The following ADCK5 variants were observed in gnomAD, a reference collection of about 807,000 sequenced individuals.
ADCK5 encodes the protein aarF domain containing kinase 5, also known as uncharacterized aarF domain-containing protein kinase 5.
Under a neutral mutation model 64.9 loss-of-function variants are expected in ADCK5, and 43 were observed. The observed-to-expected ratio is 0.66, with a 90% CI of 0.52 to 0.85. The LOEUF is 0.85. ADCK5 is among the 40% of genes least tolerant of loss of function. The pLI is 0.00. For synonymous variants in ADCK5, 434 were observed against 342.8 expected (o/e 1.27, Z -2.94); for missense variants, 760 against 810.5 (o/e 0.94, Z 0.76).
Position 144,376,090 on chromosome 8 carries a change from A to T in ADCK5, c.12+1983A>T, listed in dbSNP as rs557212372. On this transcript the variant is annotated intron_variant, in intron 1 of 14. Coordinates refer to ENST00000308860, the MANE Select transcript of ADCK5 (RefSeq NM_174922.5). The surrounding 1 kb of genome is among the most constrained non-coding windows in gnomAD (Gnocchi z 5.1). ...CTGTGTGATGGGAATTTCAGAGAGG[A>T]TAGTCTGGGTGTGCTGGGCGCTCCA... Among the ~76,000 whole-genome samples, 49 of 152,186 alleles carry T rather than the reference A, an allele frequency of 3.2e-4. No homozygotes were observed. Among genetic ancestry groups the T allele is most frequent in the African/African-American group, 1.2e-3 (49 of 41,512 alleles).
At chr8:144,381,369 C>T (rs1348425030) in intron 2 of ADCK5, among the ~76,000 whole-genome samples, 20 of 142,598 alleles carry the variant, frequency 1.4e-4, no homozygotes, top group Non-Finnish European at 2.3e-4. Flanking sequence ...AATTATGGGC[C>T]GGGTGTAGAA....
intron 3 of ADCK5, among the ~76,000 whole-genome samples, chr8:144,388,638 G>C (rs1481707882): frequency 6.0e-5 from 9 of 150,970 alleles, no homozygotes; most frequent in East Asian, 2.0e-4. Context: ...GGTGTTGGGC[G>C]CCTGTAGTCC....
rs925299108 is a variant in ADCK5, at chr8:144,391,686, G to A, written c.905G>A (p.Arg302His). 20 of 1,540,724 alleles carry A rather than the reference G, an allele frequency of 1.3e-5. No homozygotes were observed. The Admixed American group carries it at 1.8e-4, about 14-fold the overall frequency. The change falls in exon 8 of 15, where the codon CGC becomes CAC. Residue 302 changes from arginine (R) to histidine (H), a missense_variant. Arg to His is a conservative substitution (Grantham distance 29). Around this residue, in one of 2 missense-constraint regions of ADCK5, gnomAD observed 427 missense variants for 518.4 expected, o/e 0.82. Coordinates refer to ENST00000308860, the MANE Select transcript of ADCK5 (RefSeq NM_174922.5). Reference sequence around the variant, plus strand: ...CACTTCCCCTACGTCGTGGTGCCCCGCGTGCACTGGGACAAGTCCAGCAAG... The same window carrying A: ...CACTTCCCCTACGTCGTGGTGCCCCACGTGCACTGGGACAAGTCCAGCAAG... ...LAHFPYVVVP[R>H]VHWDKSSKRV...
chr8:144,381,784 C>T (rs1819667743), intron 2 of ADCK5, among the ~76,000 whole-genome samples: 1 of 105,162 alleles, frequency 9.5e-6, no homozygotes, highest in Non-Finnish European at 2.0e-5. Context: ...GCCCCTGCTG[C>T]ACTCAGGATT....
Position 144,392,618 on chromosome 8 carries a change from C to T in ADCK5, c.1441C>T (p.Leu481=), listed in dbSNP as rs782310913. 35 of 1,588,760 alleles carry T rather than the reference C, an allele frequency of 2.2e-5. No individual in the cohort carries two copies. The highest frequency in any genetic ancestry group is 3.0e-5 in the Non-Finnish European group (35 of 1,171,550). ...RELPRPMLLV[L]RNINTVRAIN... is the part of the protein sequence containing the mutation. ...GCTGCCGCGGCCCATGCTGCTGGTG[C>T]TGCGCAACATCAACACCGTGCGCGC... Residue 481 remains leucine (L), a synonymous_variant, in exon 13 of 15, where the codon CTG becomes TTG. Transcript: ENST00000308860.
intron 4 of ADCK5, 39 bp from the exon 5 acceptor site, chr8:144,390,817 C>T (rs1554860254): frequency 6.2e-7 from 1 of 1,606,000 alleles, no homozygotes. Context: ...GAGGAGGCAG[C>T]CACCTGTCCC....
At position 144,391,992 on chromosome 8, in the gene ADCK5, T is replaced by G; in HGVS notation, c.1066T>G (p.Phe356Val). 2.5e-6 allele frequency: 4 copies of G among 1,612,666 alleles called. No individual in the cohort carries two copies. Among genetic ancestry groups the G allele is most frequent in the Non-Finnish European group, 3.4e-6 (4 of 1,179,958 alleles). ...TGCTGAGCAGATATTTTACACCGGC[T>G]TCATCCACTCGGACCCACATCCTGG... ...AFAEQIFYTG[F>V]IHSDPHPGNV... The change falls in exon 10 of 15, where the codon TTC becomes GTC. Residue 356 changes from phenylalanine (F) to valine (V), a missense_variant. Phe to Val is a conservative substitution (Grantham distance 50). Around this residue, in one of 2 missense-constraint regions of ADCK5, gnomAD observed 427 missense variants for 518.4 expected, o/e 0.82. Transcript: ENST00000308860.
chr8:144,388,591 C>T lies in ADCK5; in HGVS notation c.267-2080C>T, dbSNP rs557473774. On this transcript the variant is annotated intron_variant, in intron 3 of 14. Transcript: ENST00000308860. The stretch of plus-strand genomic sequence containing the variant: ...CATCCTGGCCAACACGGTGAAACCC[C>T]ATCTCTACTAAAAATACAAAAAAAT... 2.5e-4 allele frequency among the ~76,000 whole-genome samples: 38 copies of T among 151,872 alleles called. 1 individual carries two copies. In the South Asian group the frequency reaches 4.2e-3, roughly 17 times the overall value.
chr8:144,391,411 G>A lies in ADCK5; in HGVS notation c.735G>A (p.Leu245=), dbSNP rs1554860525. ...RDRFDGDIHT[L]ELLLRLVEVM... ...GCTTTGATGGGGACATCCACACCCT[G>A]GAGCTCCTGCTGCGGCTCGTTGAGG... Residue 245 remains leucine, a synonymous_variant, in exon 7 of 15, where the codon CTG becomes CTA. Coordinates refer to ENST00000308860, the MANE Select transcript of ADCK5 (RefSeq NM_174922.5). 7 of 1,613,120 alleles carry A rather than the reference G, an allele frequency of 4.3e-6. No homozygotes were observed. Among genetic ancestry groups the A allele is most frequent in the African/African-American group, 1.3e-5 (1 of 74,926 alleles).
chr8:144,389,925 T>A (rs1302824909), intron 3 of ADCK5, among the ~76,000 whole-genome samples: 1 of 149,546 alleles, frequency 6.7e-6, no homozygotes, highest in Non-Finnish European at 1.5e-5. Context: ...GCCTCTCGGG[T>A]TCAAGCAATT....
At chr8:144,373,929 C>A, upstream of ADCK5, 1 of 785,610 alleles carries the variant, frequency 1.3e-6, no homozygotes, top group Non-Finnish European at 1.7e-6. Context: ...CGCTGCCCCG[C>A]CGCGGAGGCC....
At chr8:144,382,635 A>C (rs1452571249) in intron 2 of ADCK5, among the ~76,000 whole-genome samples, 3 of 152,218 alleles carry the variant, frequency 2.0e-5, no homozygotes, top group African/African-American at 7.2e-5. Context: ...CTGTACTGTC[A>C]TGCGACTCAG....
upstream of ADCK5, among the ~76,000 whole-genome samples, chr8:144,373,566 G>A (rs781997843): frequency 6.6e-6 from 1 of 152,206 alleles, no homozygotes; most frequent in Non-Finnish European, 1.5e-5. Flanking sequence ...CCATGGGCAC[G>A]GGAGCTGCTC....
intron 3 of ADCK5, among the ~76,000 whole-genome samples, chr8:144,385,462 G>A (rs1819874971): frequency 6.6e-6 from 1 of 151,060 alleles, no homozygotes; most frequent in South Asian, 2.1e-4. Flanking sequence ...GGGATTACAG[G>A]TGTGAGCCAC....
intron 3 of ADCK5, among the ~76,000 whole-genome samples, chr8:144,388,530 C>A (rs928889261): frequency 6.6e-6 from 1 of 151,874 alleles, no homozygotes; most frequent in South Asian, 2.1e-4. Context: ...TTTGGGAGGC[C>A]AAGGTGGGCG....
chr8:144,382,367 G>A (rs1446945185), intron 2 of ADCK5, among the ~76,000 whole-genome samples: 2 of 152,256 alleles, frequency 1.3e-5, no homozygotes, highest in Non-Finnish European at 2.9e-5. Flanking sequence ...CATATATGGA[G>A]CTGCTACTGT....
At chr8:144,389,617 C>T (rs1370911724) in intron 3 of ADCK5, among the ~76,000 whole-genome samples, 1 of 151,890 alleles carries the variant, frequency 6.6e-6, no homozygotes, top group Non-Finnish European at 1.5e-5. Context: ...CACCGAAACC[C>T]GCCTCCTGAC....
At chr8:144,380,333 A>G (rs1484366086) in intron 2 of ADCK5, among the ~76,000 whole-genome samples, 356 of 92,670 alleles carry the variant, frequency 3.8e-3, no homozygotes, top group Non-Finnish European at 5.6e-3. Context: ...CCGCAGTCAG[A>G]ATTATGGGCC....
At position 144,382,034 on chromosome 8, in the gene ADCK5, G is replaced by A. The variant is rs1819683715; in HGVS notation, c.117-1047G>A. Reference sequence around the variant, plus strand: ...TTATGGGCCGGGTGTAGAAACAGATGTGTGCTCAGGCCCCTGCTGCACTCA... The same window carrying A: ...TTATGGGCCGGGTGTAGAAACAGATATGTGCTCAGGCCCCTGCTGCACTCA... On this transcript the variant is annotated intron_variant, in intron 2 of 14. Coordinates refer to ENST00000308860, the MANE Select transcript of ADCK5 (RefSeq NM_174922.5). Among the ~76,000 whole-genome samples, 7 of 134,102 alleles carry A rather than the reference G, an allele frequency of 5.2e-5. No individual in the cohort carries two copies. In the South Asian group the frequency reaches 1.4e-3, roughly 26 times the overall value. 88.0% of individuals were successfully genotyped at this position (134,102 alleles called of 152,430 possible). A position where few individuals can be genotyped will look rare whatever the true frequency, so the allele number is the denominator to read the frequency against.
Sources: gnomAD v4.1 joint callset for allele counts (sites outside exome capture counted in the v4.1 genomes callset) on GRCh38, gnomAD v4.1.1 for gene constraint, gnomAD v4.1.1 regional missense constraint, Gnocchi (gnomAD v3.1) non-coding constraint, MANE v1.5 for transcripts, NCBI Gene and HGNC (gene_info 2026-07-23, HGNC 2026-07-21) for gene names.